DNAH3: variants seen among roughly 807,000 people sequenced by gnomAD.
DNAH3 encodes dynein axonemal heavy chain 3, also known as axonemal beta dynein heavy chain 3.
In DNAH3, 332 loss-of-function variants were observed where a neutral mutation model predicts 432.5. The observed-to-expected ratio is 0.77, with a 90% CI of 0.70 to 0.84. DNAH3 has a LOEUF of 0.84. Ranked by LOEUF, DNAH3 falls within the 40% of genes least tolerant of loss-of-function variation. The probability of loss-of-function intolerance (pLI) is 0.00; values close to 1 mark genes in which losing one functional copy is unlikely to be tolerated. For synonymous variants in DNAH3, 1,956 were observed against 1,900.2 expected, an observed-to-expected ratio of 1.03 and a Z score of -0.76; for missense variants, 4,861 against 5,114.0, an observed-to-expected ratio of 0.95 and a Z score of 1.51.
At chr16:21,084,637 T>A (rs562881617) in intron 19 of DNAH3, among the ~76,000 whole-genome samples, 1 of 152,234 alleles carries the variant, frequency 6.6e-6, no homozygotes, top group East Asian at 1.9e-4. Context: ...TTTTTAAATT[T>A]AAATTAATTA....
chr16:21,128,495 C>T (rs186592384), intron 7 of DNAH3, among the ~76,000 whole-genome samples: 1 of 151,890 alleles, frequency 6.6e-6, no homozygotes, highest in Non-Finnish European at 1.5e-5. Context: ...GAGTTCAAGA[C>T]CAGCCTGGCC....
chr16:21,007,212 C>CTTTT (rs1269851987), intron 41 of DNAH3, among the ~76,000 whole-genome samples: 4 of 140,634 alleles, frequency 2.8e-5, no homozygotes, highest in Non-Finnish European at 6.2e-5. Flanking sequence ...TTTGTATATC[C>CTTTT]TTTTTTTTTT....
At chr16:21,135,666 G>A (rs28535702) in intron 6 of DNAH3, among the ~76,000 whole-genome samples, 27,450 of 151,880 alleles carry the variant, frequency 0.18, 2,690 homozygotes, top group South Asian at 0.23. Context: ...CTCTGCAGTT[G>A]CAGTGAGCAG....
chr16:21,156,996 A>AACACACACACACAC (rs34199213), intron 1 of DNAH3, among the ~76,000 whole-genome samples: 1,733 of 147,504 alleles, frequency 0.012, 31 homozygotes, highest in African/African-American at 0.033. Context: ...AATCTAAGGA[A>AACACACACACACAC]ACACACACAC....
intron 39 of DNAH3, 22 bp downstream of exon 39, chr16:21,024,574 G>C: frequency 6.5e-7 from 1 of 1,549,442 alleles, no homozygotes; most frequent in Non-Finnish European, 8.7e-7. Context: ...AGGAGGGGAA[G>C]GAAAGGGTCT....
chr16:21,043,140 ATG>A (rs1261729030), intron 31 of DNAH3, among the ~76,000 whole-genome samples: 2 of 151,902 alleles, frequency 1.3e-5, no homozygotes, highest in Non-Finnish European at 1.5e-5. Flanking sequence ...ATACGTGTGC[ATG>A]TGTCTTTATA....
intron 38 of DNAH3, among the ~76,000 whole-genome samples, chr16:21,026,723 AG>A: frequency 6.7e-6 from 1 of 149,652 alleles, no homozygotes; most frequent in East Asian, 2.0e-4. Flanking sequence ...AAAAAAAAAA[AG>A]AAGGAAATGA....
chr16:20,961,757 G>GTTTTTGT (rs1567533053), intron 53 of DNAH3, among the ~76,000 whole-genome samples: 1 of 123,382 alleles, frequency 8.1e-6, no homozygotes. Context: ...TAAATTTCTG[G>GTTTTTGT]TTTTTTTTTT....
chr16:21,122,014 A>T (rs1423968172), exon 10 of DNAH3: 1 of 1,613,908 alleles, frequency 6.2e-7, no homozygotes, highest in Non-Finnish European at 8.5e-7. Flanking sequence ...AGCAGCCATC[A>T]AAAGATGGAT....
chr16:21,157,328 G>C (rs1315992342), intron 1 of DNAH3, among the ~76,000 whole-genome samples: 3 of 143,374 alleles, frequency 2.1e-5, no homozygotes, highest in Non-Finnish European at 4.5e-5. Flanking sequence ...ACAACCCTGT[G>C]ATTGCTTCTT....
At chr16:20,955,987 G>A (rs1375539018) in intron 54 of DNAH3, among the ~76,000 whole-genome samples, 2 of 151,526 alleles carry the variant, frequency 1.3e-5, no homozygotes, top group Non-Finnish European at 2.9e-5. Context: ...GCAGTACAGG[G>A]GTGCATCTCG....
chr16:21,080,749 C>T (rs74902762), intron 20 of DNAH3, among the ~76,000 whole-genome samples: 1 of 152,034 alleles, frequency 6.6e-6, no homozygotes, highest in Non-Finnish European at 1.5e-5. Context: ...GGTCTCCAGT[C>T]CAGGCAATGC....
chr16:20,934,807 A>C (rs1007001816), intron 61 of DNAH3, among the ~76,000 whole-genome samples: 2 of 152,046 alleles, frequency 1.3e-5, no homozygotes, highest in Admixed American at 6.6e-5. Context: ...CATTGTCTTC[A>C]AAGGCTAATC....
At position 21,104,436 on chromosome 16, in the gene DNAH3, C is replaced by A; in HGVS notation, c.2366+35G>T. ...TGCAGCATGGGTGAAGAAGTCAGGT[C>A]TCATTTCCAAGACAATCCCAGACTC... On this transcript the variant is annotated intron_variant, in intron 16 of 61. Coordinates refer to ENST00000261383, the Ensembl canonical transcript of DNAH3. 1.9e-6 allele frequency: 3 copies of A among 1,585,918 alleles called. No individual in the cohort carries two copies. The South Asian group carries it at 3.3e-5, about 18-fold the overall frequency.
At chr16:21,135,343 A>C (rs1235062009) in intron 6 of DNAH3, among the ~76,000 whole-genome samples, 1 of 152,206 alleles carries the variant, frequency 6.6e-6, no homozygotes, top group Non-Finnish European at 1.5e-5. Flanking sequence ...TTCCATACTA[A>C]GAAAGGTTGG....
intron 5 of DNAH3, among the ~76,000 whole-genome samples, chr16:21,137,788 CA>C (rs2092664324): frequency 6.6e-6 from 1 of 152,046 alleles, no homozygotes; most frequent in Admixed American, 6.6e-5. Context: ...ACAAATGAAA[CA>C]AAAATGGCCA....
chr16:21,070,724 C>G, exon 22 of DNAH3: 1 of 1,609,026 alleles, frequency 6.2e-7, no homozygotes, highest in Admixed American at 1.7e-5. Context: ...CATTCTGCTT[C>G]TATTGGTTTG....
At chr16:21,048,603 T>C (rs1163406527) in intron 31 of DNAH3, among the ~76,000 whole-genome samples, 1 of 152,066 alleles carries the variant, frequency 6.6e-6, no homozygotes, top group Non-Finnish European at 1.5e-5. Context: ...ATGAACCCGG[T>C]ACCTCAGATG....
chr16:20,961,631 G>A (rs1342175815), intron 53 of DNAH3, among the ~76,000 whole-genome samples: 1 of 151,928 alleles, frequency 6.6e-6, no homozygotes, highest in African/African-American at 2.4e-5. Context: ...CAGAGAGAAG[G>A]CCCTGTGCAG....
Sources: gnomAD v4.1 joint callset for allele counts (sites outside exome capture counted in the v4.1 genomes callset) on GRCh38, gnomAD v4.1.1 for gene constraint, MANE v1.5 for transcripts, NCBI Gene and HGNC (gene_info 2026-07-23, HGNC 2026-07-21) for gene names.